The following RGS8 variants were observed in gnomAD, a reference collection of about 807,000 sequenced individuals.
RGS8 encodes the protein regulator of G protein signaling 8.
A neutral mutation model predicts 21.7 loss-of-function variants in RGS8; 8 were observed. The ratio of observed to expected loss-of-function variants is 0.37; its 90% CI spans 0.22 to 0.66. RGS8 has a LOEUF of 0.66. Ranked by LOEUF, RGS8 falls within the 30% of genes least tolerant of loss-of-function variation. The pLI is 0.59. For synonymous variants in RGS8, 80 were observed against 83.6 expected, an observed-to-expected ratio of 0.96 and a Z score of 0.24; for missense variants, 157 against 217.9, an observed-to-expected ratio of 0.72 and a Z score of 1.76.
the RGS8 span, among the ~76,000 whole-genome samples, chr1:182,716,668 C>A: frequency 1.3e-5 from 2 of 151,992 alleles, no homozygotes; most frequent in African/African-American, 4.8e-5. Flanking sequence ...AGTCATACTG[C>A]TAGTAAGTTC....
chr1:182,698,601 C>T, the RGS8 span, among the ~76,000 whole-genome samples: 1 of 152,212 alleles, frequency 6.6e-6, no homozygotes, highest in South Asian at 2.1e-4. Context: ...TTAAGTCCCT[C>T]TCTGATGCTT....
chr1:182,682,298 TAGC>T (rs1376673638), intron 1 of RGS8, among the ~76,000 whole-genome samples: 2 of 152,184 alleles, frequency 1.3e-5, no homozygotes. Context: ...ATTTGAGGCT[TAGC>T]ACCTGCTAAG....
the RGS8 span, among the ~76,000 whole-genome samples, chr1:182,751,093 GT>G: frequency 6.6e-6 from 1 of 152,216 alleles, no homozygotes; most frequent in African/African-American, 2.4e-5. Context: ...GGAACAAGTA[GT>G]TAAGGTGGGC....
exon 4 of RGS8, chr1:182,666,962 A>T: frequency 6.2e-7 from 1 of 1,613,746 alleles, no homozygotes; most frequent in Non-Finnish European, 8.5e-7. Flanking sequence ...TCGAGTCCTC[A>T]TCCCTTTGTT....
At chr1:182,694,724 T>C in the RGS8 span, among the ~76,000 whole-genome samples, 13 of 151,664 alleles carry the variant, frequency 8.6e-5, no homozygotes, top group Admixed American at 2.0e-4. Flanking sequence ...ATGAGAATCA[T>C]TTGAACCCAG....
At chr1:182,700,505 G>T in the RGS8 span, among the ~76,000 whole-genome samples, 1 of 152,132 alleles carries the variant, frequency 6.6e-6, no homozygotes, top group African/African-American at 2.4e-5. Flanking sequence ...CCAGTCCAGG[G>T]TGGTATTCCA....
At chr1:182,706,873 GT>G in the RGS8 span, among the ~76,000 whole-genome samples, 1 of 152,162 alleles carries the variant, frequency 6.6e-6, no homozygotes, top group Non-Finnish European at 1.5e-5. Flanking sequence ...TTATATCTCA[GT>G]ATGAATTCAT....
the RGS8 span, among the ~76,000 whole-genome samples, chr1:182,705,142 T>C: frequency 6.6e-6 from 1 of 152,146 alleles, no homozygotes; most frequent in African/African-American, 2.4e-5. Context: ...TTATGAGAGA[T>C]TGGCTTACGT....
chr1:182,694,437 T>C, the RGS8 span, among the ~76,000 whole-genome samples: 3 of 152,196 alleles, frequency 2.0e-5, no homozygotes, highest in Middle Eastern at 3.2e-3. Context: ...CTTGGCCTGG[T>C]CAACTTTTTA....
the RGS8 span, among the ~76,000 whole-genome samples, chr1:182,692,675 CAAAAAA>C: frequency 3.6e-5 from 1 of 28,028 alleles, no homozygotes; most frequent in Non-Finnish European, 7.0e-5. Flanking sequence ...CAATCCTAAG[CAAAAAA>C]AAAAAAAAAA....
At chr1:182,651,996 C>T (rs1438185898) in intron 5 of RGS8, among the ~76,000 whole-genome samples, 1 of 152,206 alleles carries the variant, frequency 6.6e-6, no homozygotes, top group Non-Finnish European at 1.5e-5. Flanking sequence ...GCCAGAGGTT[C>T]CCTCTCTGCC....
At chr1:182,657,886 T>C (rs1663364461) in intron 5 of RGS8, among the ~76,000 whole-genome samples, 1 of 152,128 alleles carries the variant, frequency 6.6e-6, no homozygotes, top group South Asian at 2.1e-4. Flanking sequence ...ACATACCCAA[T>C]ACAAAACAAT....
At chr1:182,696,483 G>A in the RGS8 span, among the ~76,000 whole-genome samples, 2 of 151,912 alleles carry the variant, frequency 1.3e-5, no homozygotes, top group Non-Finnish European at 2.9e-5. Context: ...CCAGCCCCCC[G>A]AGTAGCTGGG....
At chr1:182,715,338 A>G in the RGS8 span, among the ~76,000 whole-genome samples, 1 of 152,216 alleles carries the variant, frequency 6.6e-6, no homozygotes, top group Non-Finnish European at 1.5e-5. Flanking sequence ...ACTGCAAAGC[A>G]GGCAGTTACT....
chr1:182,750,285 T>C, the RGS8 span, among the ~76,000 whole-genome samples: 1 of 152,056 alleles, frequency 6.6e-6, no homozygotes. Flanking sequence ...GTGGTGAGGG[T>C]TCCCATGTCC....
intron 5 of RGS8, among the ~76,000 whole-genome samples, chr1:182,648,706 A>G (rs1049352301): frequency 2.6e-5 from 4 of 151,020 alleles, no homozygotes; most frequent in South Asian, 4.2e-4. Context: ...TTGCACTCCA[A>G]TCTGGGCGAC....
intron 1 of RGS8, among the ~76,000 whole-genome samples, chr1:182,681,468 T>C (rs1278156512): frequency 6.6e-6 from 1 of 152,198 alleles, no homozygotes; most frequent in Non-Finnish European, 1.5e-5. Flanking sequence ...CTTCAGGCAA[T>C]GGCTTTCATG....
At position 182,671,746 on chromosome 1, in the gene RGS8, A is replaced by G. The variant is rs376271773; in HGVS notation, c.-177-16T>C. 1.2e-6 allele frequency: 2 copies of G among 1,613,824 alleles called. No homozygotes were observed. The highest frequency in any genetic ancestry group is 1.7e-6 in the Non-Finnish European group (2 of 1,179,896). On this transcript the variant is annotated splice_polypyrimidine_tract_variant and intron_variant, in intron 1 of 6. Coordinates refer to ENST00000483095, the Ensembl canonical transcript of RGS8. ...TTAAGGTGTTCTGGGGAAAAAGTAG[A>G]TCTTTCTTTTAGCAGTCAAATCCTC...
At chr1:182,722,418 A>G in the RGS8 span, among the ~76,000 whole-genome samples, 3 of 150,324 alleles carry the variant, frequency 2.0e-5, no homozygotes, top group Non-Finnish European at 4.4e-5. Flanking sequence ...GAAAATTATT[A>G]TCTCTCAATT....
Sources: gnomAD v4.1 joint callset for allele counts (sites outside exome capture counted in the v4.1 genomes callset) on GRCh38, gnomAD v4.1.1 for gene constraint, MANE v1.5 for transcripts, NCBI Gene and HGNC (gene_info 2026-07-23, HGNC 2026-07-21) for gene names.